IL1RAPL2: variants seen among roughly 807,000 people sequenced by gnomAD.
IL1RAPL2 encodes interleukin 1 receptor accessory protein like 2.
In IL1RAPL2, 3 loss-of-function variants were observed where a neutral mutation model predicts 44.1. The observed-to-expected ratio is 0.07, with a 90% CI of 0.03 to 0.18. The LOEUF (loss-of-function observed/expected upper bound fraction) is 0.18, where lower values mean the gene tolerates loss of function less well. Ranked by LOEUF, IL1RAPL2 falls within the 10% of genes least tolerant of loss-of-function variation. The pLI is 1.00. For synonymous variants in IL1RAPL2, 181 were observed against 178.8 expected (o/e 1.01, Z -0.10); for missense variants, 391 against 496.4 (o/e 0.79, Z 2.02).
chrX:104,754,582 G>C (rs542324336), intron 2 of IL1RAPL2, among the ~76,000 whole-genome samples: 23 of 111,464 alleles, frequency 2.1e-4, no homozygotes, highest in Middle Eastern at 4.6e-3. Context: ...AAGAGGGCTG[G>C]AGAATTCATG....
intron 2 of IL1RAPL2, among the ~76,000 whole-genome samples, chrX:105,033,445 C>A (rs1348472812): frequency 9.0e-6 from 1 of 111,283 alleles, no homozygotes; most frequent in African/African-American, 3.3e-5. Context: ...TCAGCATTTG[C>A]TTCTCTGTAA....
chrX:104,749,277 C>T (rs1476181313), intron 2 of IL1RAPL2, among the ~76,000 whole-genome samples: 1 of 111,012 alleles, frequency 9.0e-6, no homozygotes, highest in African/African-American at 3.3e-5. Context: ...TATCTGGCTG[C>T]ACCTGGTAGT....
At chrX:105,011,481 A>G (rs55869051) in intron 2 of IL1RAPL2, among the ~76,000 whole-genome samples, 2,011 of 111,359 alleles carry the variant, frequency 0.018, 52 homozygotes, top group African/African-American at 0.062. Context: ...CAGTTAGAGC[A>G]TTTTAATCAC....
chrX:105,596,506 A>G (rs1396048228), intron 6 of IL1RAPL2, among the ~76,000 whole-genome samples: 1 of 111,759 alleles, frequency 8.9e-6, no homozygotes, highest in Non-Finnish European at 1.9e-5. Context: ...TTCATACCAC[A>G]GTGGTCAGAA....
chrX:105,704,315 G>A (rs889044736), intron 6 of IL1RAPL2, among the ~76,000 whole-genome samples: 2 of 111,323 alleles, frequency 1.8e-5, no homozygotes, highest in African/African-American at 6.5e-5. Flanking sequence ...AAATATTTGA[G>A]TAAGAAAAAA....
intron 2 of IL1RAPL2, among the ~76,000 whole-genome samples, chrX:105,031,243 C>G (rs1046210196): frequency 3.3e-4 from 36 of 107,588 alleles, no homozygotes; most frequent in Admixed American, 9.1e-4. Flanking sequence ...ATTTCCTTCT[C>G]CTGCCTAATT....
intron 6 of IL1RAPL2, among the ~76,000 whole-genome samples, chrX:105,663,060 TAGTTGACCCTTA>T (rs2037732091): frequency 9.0e-6 from 1 of 111,008 alleles, no homozygotes; most frequent in East Asian, 2.8e-4. Flanking sequence ...CTTACCTATA[TAGTTGACCCTTA>T]AAACAACATG....
At chrX:105,126,905 C>A (rs767642406) in intron 2 of IL1RAPL2, among the ~76,000 whole-genome samples, 203 of 111,271 alleles carry the variant, frequency 1.8e-3, no homozygotes, top group African/African-American at 6.1e-3. Context: ...CTTCCAGTTT[C>A]TGCCAGAAGA....
intron 2 of IL1RAPL2, among the ~76,000 whole-genome samples, chrX:104,992,518 A>T (rs1462154243): frequency 9.0e-6 from 1 of 111,117 alleles, no homozygotes; most frequent in African/African-American, 3.3e-5. Flanking sequence ...TTGCTGCATA[A>T]TGTAGTTGGA....
chrX:105,573,503 G>T (rs2037029452), intron 6 of IL1RAPL2, among the ~76,000 whole-genome samples: 1 of 111,513 alleles, frequency 9.0e-6, no homozygotes, highest in Non-Finnish European at 1.9e-5. Flanking sequence ...AATAAAGAAA[G>T]ATTGAAGTTG....
chrX:105,438,310 G>A (rs150164538), intron 5 of IL1RAPL2, among the ~76,000 whole-genome samples: 1 of 111,418 alleles, frequency 9.0e-6, no homozygotes, highest in African/African-American at 3.3e-5. Flanking sequence ...GGAGCCTTTG[G>A]CTAGAAACAA....
At chrX:105,062,046 G>A (rs901287769) in intron 2 of IL1RAPL2, among the ~76,000 whole-genome samples, 2 of 111,485 alleles carry the variant, frequency 1.8e-5, no homozygotes, top group African/African-American at 6.5e-5. Flanking sequence ...GATAGGTAAG[G>A]ACTTACTCCT....
intron 2 of IL1RAPL2, among the ~76,000 whole-genome samples, chrX:104,709,272 A>G (rs768862998): frequency 9.1e-6 from 1 of 110,291 alleles, no homozygotes; most frequent in African/African-American, 3.3e-5. Flanking sequence ...AAAAGCCTGG[A>G]TAATGGCAAA....
intron 6 of IL1RAPL2, among the ~76,000 whole-genome samples, chrX:105,684,491 C>A (rs1189538510): frequency 8.9e-6 from 1 of 112,356 alleles, no homozygotes; most frequent in African/African-American, 3.2e-5. Context: ...GGGCGTCTGC[C>A]GTTGCTGAGG....
At chrX:104,909,715 G>T (rs1924167776) in intron 2 of IL1RAPL2, among the ~76,000 whole-genome samples, 1 of 112,181 alleles carries the variant, frequency 8.9e-6, no homozygotes, top group African/African-American at 3.2e-5. Flanking sequence ...CAGATCTCCA[G>T]CTGCTTACTG....
chrX:105,202,777 A>T (rs1327909279), intron 3 of IL1RAPL2, among the ~76,000 whole-genome samples: 1 of 111,531 alleles, frequency 9.0e-6, no homozygotes, highest in Non-Finnish European at 1.9e-5. Flanking sequence ...CTCGCTTGTG[A>T]AAACCACAAC....
At chrX:105,634,964 A>T (rs1431057653) in intron 6 of IL1RAPL2, among the ~76,000 whole-genome samples, 1 of 111,784 alleles carries the variant, frequency 8.9e-6, no homozygotes, top group African/African-American at 3.2e-5. Flanking sequence ...ACACAGCTAG[A>T]AAGTAGTGGA....
intron 6 of IL1RAPL2, among the ~76,000 whole-genome samples, chrX:105,710,359 CTT>C (rs61023852): frequency 6.1e-5 from 4 of 65,839 alleles, no homozygotes; most frequent in African/African-American, 2.4e-4. Context: ...GAAAATCCTA[CTT>C]TTTTTTTTTT....
chrX:105,213,660 A>G (rs2033826631), intron 3 of IL1RAPL2, among the ~76,000 whole-genome samples: 1 of 110,901 alleles, frequency 9.0e-6, no homozygotes, highest in African/African-American at 3.3e-5. Context: ...AAGAGTAACC[A>G]CAAGACACAT....
Sources: gnomAD v4.1 joint callset for allele counts (sites outside exome capture counted in the v4.1 genomes callset) on GRCh38, gnomAD v4.1.1 for gene constraint, MANE v1.5 for transcripts, NCBI Gene and HGNC (gene_info 2026-07-23, HGNC 2026-07-21) for gene names.